The following YPEL1 variants were observed in gnomAD, a reference collection of about 807,000 sequenced individuals.
YPEL1 encodes protein yippee-like 1.
YPEL1 carries 7 observed loss-of-function variants against 17.3 expected under a neutral mutation model. The ratio of observed to expected loss-of-function variants is 0.40; its 90% CI spans 0.23 to 0.76. The LOEUF (loss-of-function observed/expected upper bound fraction) is 0.76. YPEL1 is among the 30% of genes least tolerant of loss of function. YPEL1 has a pLI of 0.35. For synonymous variants in YPEL1, 59 were observed against 59.6 expected, an observed-to-expected ratio of 0.99 and a Z score of 0.05; for missense variants, 91 against 155.5, an observed-to-expected ratio of 0.59 and a Z score of 2.21.
chr22:21,719,515 C>T (rs1054760894), intron 1 of YPEL1, among the ~76,000 whole-genome samples: 7 of 152,164 alleles, frequency 4.6e-5, no homozygotes, highest in African/African-American at 9.7e-5. Flanking sequence ...AGGTCTCTAG[C>T]GTTCAGAATC....
chr22:21,723,517 G>C (rs1305441416), intron 1 of YPEL1, among the ~76,000 whole-genome samples: 2 of 152,040 alleles, frequency 1.3e-5, no homozygotes, highest in Admixed American at 1.3e-4. Flanking sequence ...ACAGGTGCAG[G>C]CCATTACATT....
chr22:21,701,705 C>A (rs1210458625), intron 4 of YPEL1, among the ~76,000 whole-genome samples: 1 of 152,168 alleles, frequency 6.6e-6, no homozygotes, highest in East Asian at 1.9e-4. Flanking sequence ...GACTACACTC[C>A]AGGAATTCCG....
At chr22:21,727,778 G>T (rs1375266849) in intron 1 of YPEL1, among the ~76,000 whole-genome samples, 1 of 152,154 alleles carries the variant, frequency 6.6e-6, no homozygotes, top group Non-Finnish European at 1.5e-5. Context: ...CATCCCTGGG[G>T]CACCTGTGTA....
At chr22:21,734,595 T>C (rs1011062727) in intron 1 of YPEL1, among the ~76,000 whole-genome samples, 2 of 152,168 alleles carry the variant, frequency 1.3e-5, no homozygotes, top group African/African-American at 4.8e-5. Flanking sequence ...GGAAACACCA[T>C]GAAGGTCCTG....
chr22:21,715,531 C>A (rs185623077), intron 1 of YPEL1, among the ~76,000 whole-genome samples: 1,802 of 151,944 alleles, frequency 0.012, 17 homozygotes, highest in South Asian at 0.037. Context: ...AACAAAAAAA[C>A]CCCACGCTGC....
intron 1 of YPEL1, among the ~76,000 whole-genome samples, chr22:21,727,578 A>C (rs9607209): frequency 0.039 from 5,909 of 152,264 alleles, 215 homozygotes; most frequent in East Asian, 0.14. Flanking sequence ...TCTCTCCTAA[A>C]ATAAGCCTGT....
At position 21,703,818 on chromosome 22, in the gene YPEL1, G is replaced by A. The variant is rs778299040; in HGVS notation, c.161+21C>T. The A allele has an allele frequency of 1.0e-5, 16 of 1,607,520 alleles. No homozygotes were observed. Among genetic ancestry groups the A allele is most frequent in the East Asian group, 2.3e-5 (1 of 44,422 alleles). ...TCCCAGGGCCCGTGCCGCTCCCCCC[G>A]GGCTGAACCAGGGTACTCACACGGA... On this transcript the variant is annotated intron_variant, in intron 3 of 4. Coordinates refer to ENST00000339468, the MANE Select transcript of YPEL1 (RefSeq NM_013313.5). The surrounding 1 kb of genome is among the most constrained non-coding windows in gnomAD (Gnocchi z 6.1).
chr22:21,719,531 T>G (rs972020721), intron 1 of YPEL1, among the ~76,000 whole-genome samples: 7 of 152,198 alleles, frequency 4.6e-5, no homozygotes, highest in Non-Finnish European at 8.8e-5. Context: ...GAATCCCTGC[T>G]CCAAGTGACT....
At chr22:21,709,992 G>A (rs372169567) in intron 2 of YPEL1, among the ~76,000 whole-genome samples, 9 of 152,282 alleles carry the variant, frequency 5.9e-5, no homozygotes, top group South Asian at 2.1e-4. Flanking sequence ...CTGTCATTCC[G>A]ACTGAGCATC....
intron 4 of YPEL1, among the ~76,000 whole-genome samples, chr22:21,702,110 T>C (rs766246565): frequency 5.3e-5 from 8 of 152,112 alleles, no homozygotes; most frequent in Non-Finnish European, 8.8e-5. Flanking sequence ...TCCTCATCAT[T>C]TTGTTTTGCT....
At chr22:21,716,730 C>A (rs534690932) in intron 1 of YPEL1, among the ~76,000 whole-genome samples, 1 of 152,386 alleles carries the variant, frequency 6.6e-6, no homozygotes, top group South Asian at 2.1e-4. Flanking sequence ...TTTTCCAGGA[C>A]AATGAGTAAT....
chr22:21,724,205 C>T (rs2068310730), intron 1 of YPEL1, among the ~76,000 whole-genome samples: 1 of 152,142 alleles, frequency 6.6e-6, no homozygotes, highest in Non-Finnish European at 1.5e-5. Context: ...CAAACCTCAT[C>T]ACACTCTGCT....
Position 21,703,281 on chromosome 22 carries a change from C to A in YPEL1, c.270+89G>T, listed in dbSNP as rs1016398916. On this transcript the variant is annotated intron_variant, in intron 4 of 4. Transcript: ENST00000339468. The surrounding 1 kb of genome is among the most constrained non-coding windows in gnomAD (Gnocchi z 6.1). ...TTTCTGAAAGTGCTGTGACTGGTAC[C>A]ATGGGCCACACTGCACGGGGAGGTG... The A allele has an allele frequency of 1.7e-6, 2 of 1,152,694 alleles. No individual in the cohort carries two copies. The highest frequency in any genetic ancestry group is 3.0e-5 in the African/African-American group (2 of 66,306). The allele number at this position is 1,152,694 out of a possible 1,614,324, so 71.4% of individuals were successfully genotyped here. A position where few individuals can be genotyped will look rare whatever the true frequency, so the allele number is the denominator to read the frequency against.
chr22:21,718,378 T>C (rs1259516961), intron 1 of YPEL1, among the ~76,000 whole-genome samples: 1 of 151,730 alleles, frequency 6.6e-6, no homozygotes. Context: ...GGCAGGAGAA[T>C]GGCGTGAACT....
chr22:21,726,209 C>T (rs151299916), intron 1 of YPEL1, among the ~76,000 whole-genome samples: 13 of 152,270 alleles, frequency 8.5e-5, no homozygotes, highest in African/African-American at 2.4e-4. Context: ...GCCCTGCCAG[C>T]GCTGTCCAGG....
chr22:21,721,640 T>A (rs1277093745), intron 1 of YPEL1, among the ~76,000 whole-genome samples: 1 of 152,158 alleles, frequency 6.6e-6, no homozygotes, highest in Non-Finnish European at 1.5e-5. Context: ...GCTAGGCCGG[T>A]CTCCAACTCC....
At chr22:21,720,456 C>T (rs2068270196) in intron 1 of YPEL1, among the ~76,000 whole-genome samples, 1 of 152,120 alleles carries the variant, frequency 6.6e-6, no homozygotes, top group Admixed American at 6.5e-5. Flanking sequence ...CCGCCCCAGC[C>T]TCCCAAAGTG....
In YPEL1 at chr22:21,703,297, C is replaced by T. The variant is rs1030725672; in HGVS notation, c.270+73G>A. The T allele has an allele frequency of 9.8e-6, 13 of 1,330,176 alleles. No homozygotes were observed. The highest frequency in any genetic ancestry group is 1.8e-4 in the Middle Eastern group (1 of 5,484). 82.4% of individuals were successfully genotyped at this position (1,330,176 alleles called of 1,614,324 possible). On this transcript the variant is annotated intron_variant, in intron 4 of 4. Transcript: ENST00000339468. This position sits in a 1 kb window ranked among gnomAD's most constrained non-coding sequence, Gnocchi z 6.1. ...GACTGGTACCATGGGCCACACTGCA[C>T]GGGGAGGTGTGGCTCAGTGGCAACT...
At chr22:21,720,978 T>C (rs2068276239) in intron 1 of YPEL1, among the ~76,000 whole-genome samples, 1 of 145,146 alleles carries the variant, frequency 6.9e-6, no homozygotes, top group African/African-American at 2.6e-5. Flanking sequence ...CCAGCTAATT[T>C]TTTTGTATTT....
Sources: allele counts gnomAD v4.1 joint callset (sites outside exome capture counted in the v4.1 genomes callset), GRCh38; gene constraint gnomAD v4.1.1; non-coding constraint Gnocchi (gnomAD v3.1); transcripts MANE v1.5; gene names NCBI Gene and HGNC (gene_info 2026-07-23, HGNC 2026-07-21).